The following CHD9 variants were observed in gnomAD, a reference collection of about 807,000 sequenced individuals.
The protein encoded by CHD9 is ATP-dependent chromatin remodeler CHD9.
Under a neutral mutation model 316.1 loss-of-function variants are expected in CHD9, and 77 were observed. The ratio of observed to expected loss-of-function variants is 0.24; its 90% CI spans 0.20 to 0.29. The LOEUF is 0.29. CHD9 is among the 10% of genes least tolerant of loss of function. The pLI is 1.00. For synonymous variants in CHD9, 1,129 were observed against 1,158.3 expected (o/e 0.97, Z 0.51); for missense variants, 2,763 against 3,438.1 (o/e 0.80, Z 4.91).
At position 53,267,338 on chromosome 16, in the gene CHD9, A is replaced by T; in HGVS notation, c.4365A>T (p.Arg1455Ser). ...IDTPRIRKQT[R>S]PFSATKDELA... ...CTCCAAGAATTAGGAAGCAAACAAG[A>T]CCTTTTAGTGCCACAAAAGATGAAT... is the stretch of plus-strand genomic sequence containing the variant. Residue 1455 changes from arginine to serine, a missense_variant, in exon 21 of 39, where the codon AGA becomes AGT. Physicochemically the swap from Arg to Ser is moderately radical, Grantham distance 110. This residue lies in a region of CHD9 where 199 missense variants were observed against 251.7 expected (regional missense o/e 0.79). Coordinates refer to ENST00000447540, the MANE Select transcript of CHD9 (RefSeq NM_001308319.2). 1 of 1,612,324 alleles carries T rather than the reference A, an allele frequency of 6.2e-7. No individual in the cohort carries two copies. The highest frequency in any genetic ancestry group is 8.5e-7 in the Non-Finnish European group (1 of 1,178,956).
intron 1 of CHD9, among the ~76,000 whole-genome samples, chr16:53,146,419 G>GTATGTGTATATA (rs59577921): frequency 6.5e-5 from 5 of 76,698 alleles, no homozygotes; most frequent in African/African-American, 2.4e-4. Flanking sequence ...GTGTGTGTAT[G>GTATGTGTATATA]TATATATATA....
chr16:53,317,274 T>C (rs1356941850), intron 36 of CHD9, among the ~76,000 whole-genome samples: 2 of 150,642 alleles, frequency 1.3e-5, no homozygotes, highest in Non-Finnish European at 2.9e-5. Flanking sequence ...TAATAGTAAA[T>C]AAACAATGAA....
intron 1 of CHD9, among the ~76,000 whole-genome samples, chr16:53,134,169 A>C (rs1274141627): frequency 1.3e-5 from 2 of 152,196 alleles, no homozygotes; most frequent in Admixed American, 6.5e-5. Flanking sequence ...CACAGGTAAG[A>C]ATATGGAAAC....
At chr16:53,064,674 G>A (rs1273883088) in intron 1 of CHD9, among the ~76,000 whole-genome samples, 4 of 152,150 alleles carry the variant, frequency 2.6e-5, no homozygotes, top group Non-Finnish European at 2.9e-5. Context: ...GGCTGCAAAT[G>A]TATTAAATCA....
At chr16:53,165,475 C>A (rs1312720709) in intron 2 of CHD9, among the ~76,000 whole-genome samples, 2 of 152,056 alleles carry the variant, frequency 1.3e-5, no homozygotes, top group Non-Finnish European at 2.9e-5. Flanking sequence ...TTCCCCCACC[C>A]CAGAAGGTAA....
chr16:53,167,463 G>A (rs1471755314), intron 2 of CHD9, among the ~76,000 whole-genome samples: 1 of 152,058 alleles, frequency 6.6e-6, no homozygotes, highest in Non-Finnish European at 1.5e-5. Context: ...TTTCAGAGAT[G>A]TTCTCTTTTC....
chr16:53,265,714 C>A (rs1374575142), intron 20 of CHD9, among the ~76,000 whole-genome samples: 1 of 151,850 alleles, frequency 6.6e-6, no homozygotes, highest in African/African-American at 2.4e-5. Flanking sequence ...TTTCTTTTCA[C>A]AAATATTTGG....
intron 1 of CHD9, among the ~76,000 whole-genome samples, chr16:53,073,656 G>A (rs551455054): frequency 3.9e-5 from 6 of 152,276 alleles, no homozygotes; most frequent in South Asian, 2.1e-4. Flanking sequence ...TACTGTTCTC[G>A]TGGTAGTGAA....
Position 53,321,631 on chromosome 16 carries a change from G to C in CHD9, c.7818+1G>C. ...ATGGGGAGATGTTGTTAAGCAATCTGTGAGTATTTTACGAATACTAACTCA... is the reference window on the plus strand; with the variant it reads ...ATGGGGAGATGTTGTTAAGCAATCTCTGAGTATTTTACGAATACTAACTCA... On this transcript the variant is annotated splice_donor_variant, in intron 38 of 38. Transcript: ENST00000447540. LOFTEE classifies it high-confidence loss of function. 1 of 1,490,570 alleles carries C rather than the reference G, an allele frequency of 6.7e-7. No homozygotes were observed. The highest frequency in any genetic ancestry group is 9.1e-7 in the Non-Finnish European group (1 of 1,101,646). The allele number at this position is 1,490,570 out of a possible 1,614,324, so 92.3% of individuals were successfully genotyped here.
intron 3 of CHD9, 76 bp downstream of exon 3, chr16:53,209,889 G>A: frequency 9.5e-7 from 1 of 1,052,368 alleles, no homozygotes; most frequent in Non-Finnish European, 1.4e-6. Context: ...ATCTACTTTT[G>A]ATTTGAGTAT....
chr16:53,258,951 G>T (rs2050836913), intron 19 of CHD9, among the ~76,000 whole-genome samples: 7 of 152,148 alleles, frequency 4.6e-5, no homozygotes, highest in Admixed American at 4.6e-4. Context: ...ATTTGTAAGG[G>T]CCTTTAGTTG....
At chr16:53,088,600 C>G (rs1320168360) in intron 1 of CHD9, among the ~76,000 whole-genome samples, 1 of 151,852 alleles carries the variant, frequency 6.6e-6, no homozygotes, top group Non-Finnish European at 1.5e-5. Flanking sequence ...TTTACTTGAG[C>G]TGATGTCACT....
intron 24 of CHD9, among the ~76,000 whole-genome samples, chr16:53,281,954 T>C (rs955069836): frequency 1.3e-5 from 2 of 152,208 alleles, no homozygotes; most frequent in African/African-American, 4.8e-5. Flanking sequence ...CGTTAATTTG[T>C]ATATCTTCTT....
intron 1 of CHD9, among the ~76,000 whole-genome samples, chr16:53,098,488 AAAAAG>A (rs1435398140): frequency 3.3e-5 from 5 of 151,310 alleles, no homozygotes; most frequent in Non-Finnish European, 4.4e-5. Context: ...AAAAAAAAAA[AAAAAG>A]AAAGAAAGAA....
At chr16:53,132,886 G>A (rs2039435076) in intron 1 of CHD9, among the ~76,000 whole-genome samples, 1 of 136,648 alleles carries the variant, frequency 7.3e-6, no homozygotes, top group Non-Finnish European at 1.5e-5. Flanking sequence ...TCGGCTCACT[G>A]CAACCTCTTC....
intron 1 of CHD9, among the ~76,000 whole-genome samples, chr16:53,084,387 T>A (rs796609504): frequency 2.6e-5 from 4 of 152,290 alleles, no homozygotes; most frequent in African/African-American, 9.6e-5. Flanking sequence ...GGAGGAGGAT[T>A]TCTGAAGCAG....
chr16:53,157,636 C>A, intron 2 of CHD9, 95 bp downstream of exon 2: 1 of 1,193,992 alleles, frequency 8.4e-7, no homozygotes, highest in Non-Finnish European at 1.2e-6. Context: ...CAAGATTTCT[C>A]AAACTTGGTA....
intron 2 of CHD9, among the ~76,000 whole-genome samples, chr16:53,187,970 AG>A (rs1318449615): frequency 1.3e-5 from 2 of 152,232 alleles, no homozygotes; most frequent in Admixed American, 6.5e-5. Context: ...CACTCCCAAA[AG>A]AAATCCCACA....
At chr16:53,125,588 G>T (rs149721977) in intron 1 of CHD9, among the ~76,000 whole-genome samples, 1 of 152,268 alleles carries the variant, frequency 6.6e-6, no homozygotes, top group Non-Finnish European at 1.5e-5. Context: ...CCATTCAGTA[G>T]AAATTGTACT....
Sources: gnomAD v4.1 joint callset for allele counts (sites outside exome capture counted in the v4.1 genomes callset) on GRCh38, gnomAD v4.1.1 for gene constraint, gnomAD v4.1.1 regional missense constraint, MANE v1.5 for transcripts, NCBI Gene and HGNC (gene_info 2026-07-23, HGNC 2026-07-21) for gene names.